Variants in PCDHA3 observed in about 807,000 individuals in gnomAD.
PCDHA3 encodes protocadherin alpha 3, also known as protocadherin alpha-3.
Under a neutral mutation model 62.2 loss-of-function variants are expected in PCDHA3, and 41 were observed. That is an observed-to-expected ratio of 0.66 (90% CI 0.51 to 0.86). The LOEUF (loss-of-function observed/expected upper bound fraction) is 0.86. PCDHA3 is among the 40% of genes least tolerant of loss of function. PCDHA3 has a pLI of 0.00. For missense variants in PCDHA3, 1,304 were observed against 1,241.2 expected, an observed-to-expected ratio of 1.05 and a Z score of -0.76; for synonymous variants, 640 against 555.4, an observed-to-expected ratio of 1.15 and a Z score of -2.14.
At chr5:140,832,401 T>C (rs1461467410) in intron 1 of PCDHA3, among the ~76,000 whole-genome samples, 2 of 152,204 alleles carry the variant, frequency 1.3e-5, no homozygotes, top group African/African-American at 4.8e-5. Flanking sequence ...GGTAGTGGTA[T>C]TTTCTGTTTT....
chr5:140,829,948 C>T (rs1770701254), intron 1 of PCDHA3: 1 of 1,613,996 alleles, frequency 6.2e-7, no homozygotes, highest in Non-Finnish European at 8.5e-7. Flanking sequence ...GCAGCGCTCG[C>T]TTCCCGTTTC....
chr5:140,850,783 G>A lies in PCDHA3; in HGVS notation c.2394+47192G>A, dbSNP rs2150498112. 4.6e-5 allele frequency: 73 copies of A among 1,598,056 alleles called. 5 individuals carry two copies. Among genetic ancestry groups the A allele is most frequent in the East Asian group, 4.5e-5 (2 of 44,866 alleles). On this transcript the variant is annotated intron_variant, in intron 1 of 3. Coordinates refer to ENST00000522353, the MANE Select transcript of PCDHA3 (RefSeq NM_018906.3). ...AGGCAGAGGGTGTGCTCTGGCGAGG[G>A]TAAGCAGAAGACCGACCTCATGGCC... is the stretch of plus-strand genomic sequence containing the variant.
chr5:140,828,365 C>G lies in PCDHA3; in HGVS notation c.2394+24774C>G. ...TTTGTTTGTGAATTCTCGGATCGAC[C>G]GCGAGGAGCTGTGCGGGCGGAGCGC... On this transcript the variant is annotated intron_variant, in intron 1 of 3. Transcript: ENST00000522353. The G allele has an allele frequency of 1.2e-6, 2 of 1,614,230 alleles. No individual in the cohort carries two copies. The highest frequency in any genetic ancestry group is 1.7e-6 in the Non-Finnish European group (2 of 1,180,048).
chr5:140,892,304 G>A (rs1301333753), intron 1 of PCDHA3, among the ~76,000 whole-genome samples: 1 of 152,004 alleles, frequency 6.6e-6, no homozygotes, highest in East Asian at 1.9e-4. Context: ...AAATAATTTG[G>A]GGCTTATAAC....
chr5:140,991,875 G>A (rs2097477734), intron 3 of PCDHA3, among the ~76,000 whole-genome samples: 1 of 152,092 alleles, frequency 6.6e-6, no homozygotes, highest in South Asian at 2.1e-4. Context: ...AGTTTCCTAG[G>A]GCTGCCATAA....
chr5:140,996,232 T>C (rs1054290986), intron 3 of PCDHA3, among the ~76,000 whole-genome samples: 13 of 152,302 alleles, frequency 8.5e-5, no homozygotes, highest in South Asian at 4.1e-4. Flanking sequence ...AAATGGTTGC[T>C]CAAGGCTGAG....
chr5:140,808,872 C>T, intron 1 of PCDHA3: 3 of 1,613,186 alleles, frequency 1.9e-6, no homozygotes, highest in Non-Finnish European at 2.5e-6. Context: ...AACGACAACG[C>T]GCCAGCACTG....
chr5:140,826,533 T>C (rs1313512596), intron 1 of PCDHA3, among the ~76,000 whole-genome samples: 3 of 152,198 alleles, frequency 2.0e-5, no homozygotes, highest in African/African-American at 7.2e-5. Context: ...AAAAGTCTTA[T>C]TGGTGACTCT....
chr5:141,002,941 C>G (rs964416301), intron 3 of PCDHA3, among the ~76,000 whole-genome samples: 18 of 152,216 alleles, frequency 1.2e-4, no homozygotes, highest in African/African-American at 4.1e-4. Flanking sequence ...CACCCTCCAG[C>G]ACATGCCCCT....
chr5:140,836,030 G>C, intron 1 of PCDHA3: 1 of 1,613,484 alleles, frequency 6.2e-7, no homozygotes, highest in Non-Finnish European at 8.5e-7. Flanking sequence ...GCAGCAACGT[G>C]ACGCTGCAGG....
chr5:140,821,632 A>T, intron 1 of PCDHA3: 1 of 971,634 alleles, frequency 1.0e-6, no homozygotes, highest in Non-Finnish European at 1.5e-6. Context: ...TTAGACAGAA[A>T]GGAAAAGAAC....
intron 1 of PCDHA3, among the ~76,000 whole-genome samples, chr5:140,895,297 T>TC (rs1269688627): frequency 1.3e-5 from 2 of 152,118 alleles, no homozygotes; most frequent in African/African-American, 2.4e-5. Context: ...ACCTTCGATT[T>TC]CCCCCCTTCC....
intron 1 of PCDHA3, chr5:140,809,603 T>G: frequency 2.0e-6 from 3 of 1,528,176 alleles, no homozygotes; most frequent in Non-Finnish European, 2.6e-6. Flanking sequence ...TGTTTAATTT[T>G]CGTATTGTTT....
In PCDHA3 at chr5:140,982,560, C is replaced by G. The variant is rs782437404; in HGVS notation, c.2539C>G (p.Pro847Ala). The G allele has an allele frequency of 5.6e-6, 9 of 1,614,098 alleles. No homozygotes were observed. Among genetic ancestry groups the G allele is most frequent in the South Asian group, 4.4e-5 (4 of 91,078 alleles). ...QQWPTVSSAT[P>A]EPEAGEVSPP... ...GTGGCCAACAGTATCCAGTGCAACA[C>G]CAGGTAAAGAGCTGGGGTCTCTCCA... Residue 847 changes from proline to alanine, a missense_variant, in exon 3 of 4, where the codon CCA (proline) becomes GCA (alanine). Physicochemically the swap from Pro to Ala is conservative, Grantham distance 27. Coordinates refer to ENST00000522353, the MANE Select transcript of PCDHA3 (RefSeq NM_018906.3).
intron 1 of PCDHA3, chr5:140,830,956 A>G (rs1012180465): frequency 6.6e-6 from 1 of 152,094 alleles, no homozygotes; most frequent in Non-Finnish European, 1.5e-5. Flanking sequence ...TAACGCTTTG[A>G]TTTTATCCAT....
intron 1 of PCDHA3, among the ~76,000 whole-genome samples, chr5:140,956,920 T>C (rs2095320734): frequency 1.3e-5 from 2 of 152,120 alleles, no homozygotes; most frequent in Non-Finnish European, 2.9e-5. Flanking sequence ...ACTTTAATCT[T>C]GCTGGATATA....
In PCDHA3 at chr5:140,929,377, C is replaced by G. The variant is rs1436728913; in HGVS notation, c.2395-49572C>G. 3 of 1,514,232 alleles carry G rather than the reference C, an allele frequency of 2.0e-6. No homozygotes were observed. In the African/African-American group the frequency reaches 4.2e-5, roughly 21 times the overall value. The allele number at this position is 1,514,232 out of a possible 1,614,324, so 93.8% of individuals were successfully genotyped here. Reference sequence around the variant, plus strand: ...CCTTTGGCCCGGAGATGGCTGCTAGCTGTGTTTTGAAATATTTCTTAGACA... The same window carrying G: ...CCTTTGGCCCGGAGATGGCTGCTAGGTGTGTTTTGAAATATTTCTTAGACA... On this transcript the variant is annotated intron_variant, in intron 1 of 3. Coordinates refer to ENST00000522353, the MANE Select transcript of PCDHA3 (RefSeq NM_018906.3).
chr5:140,927,506 C>G (rs1554204645), intron 1 of PCDHA3: 1 of 1,614,128 alleles, frequency 6.2e-7, no homozygotes, highest in Non-Finnish European at 8.5e-7. Context: ...GTGCTTACAG[C>G]TCGGGACGGC....
chr5:140,977,899 C>A (rs1193855952), intron 1 of PCDHA3, among the ~76,000 whole-genome samples: 1 of 152,124 alleles, frequency 6.6e-6, no homozygotes, highest in East Asian at 1.9e-4. Context: ...CAAAATACAA[C>A]TTTTATCCCC....
Sources: gnomAD v4.1 joint callset for allele counts (sites outside exome capture counted in the v4.1 genomes callset) on GRCh38, gnomAD v4.1.1 for gene constraint, MANE v1.5 for transcripts, NCBI Gene and HGNC (gene_info 2026-07-23, HGNC 2026-07-21) for gene names.